Variants in USP9X observed in about 807,000 individuals in gnomAD.
The protein encoded by USP9X is ubiquitin specific peptidase 9 X-linked, also known as ubiquitin carboxyl-terminal hydrolase 9X.
Under a neutral mutation model 190.3 loss-of-function variants are expected in USP9X, and 7 were observed. The observed-to-expected ratio is 0.04, with a 90% CI of 0.02 to 0.07. USP9X has a LOEUF of 0.07. Among genes scored for constraint, USP9X ranks in the 10% least tolerant of loss-of-function variants. USP9X has a pLI of 1.00. For missense variants in USP9X, 1,010 were observed against 1,916.9 expected (o/e 0.53, Z 8.83); for synonymous variants, 645 against 659.5 (o/e 0.98, Z 0.34).
rs368468960 is a variant in USP9X at position 41,228,884 on chromosome X, G to A, written c.7062-369G>A. On this transcript the variant is annotated intron_variant, in intron 41 of 44. Coordinates refer to ENST00000378308, the MANE Select transcript of USP9X (RefSeq NM_001039591.3). ...TGTAATCCCAGCACTTTGGGAGGCC[G>A]AGGCAGGCGGATCACGAGGTCAGGA... 264 of 115,133 alleles carry A rather than the reference G, an allele frequency of 2.3e-3. 1 individual carries two copies. The highest frequency in any genetic ancestry group is 7.8e-3 in the African/African-American group (241 of 30,769). The allele number at this position is 115,133 out of a possible 1,213,427, so 9.5% of individuals were successfully genotyped here.
At chrX:41,178,289 C>T (rs2062796309) in intron 21 of USP9X, among the ~76,000 whole-genome samples, 1 of 107,329 alleles carries the variant, frequency 9.3e-6, no homozygotes, top group East Asian at 2.9e-4. Context: ...TTAGTAGAGA[C>T]GAGGTTTCAC....
At position 41,216,162 on chromosome X, in the gene USP9X, T is replaced by G. The variant is rs1459037970; in HGVS notation, c.5595T>G (p.Leu1865=). Residue 1865 remains leucine (L), a synonymous_variant, in exon 35 of 45, where the codon CTT becomes CTG. Coordinates refer to ENST00000378308, the MANE Select transcript of USP9X (RefSeq NM_001039591.3). The part of the protein sequence containing the change: ...SETAGSTKYR[L]VGVLVHSGQA... ...CAGCAGGAAGCACAAAATACAGACTTGTGGGTGTGCTCGTACACAGTGGTC... is the reference window on the plus strand; with the variant it reads ...CAGCAGGAAGCACAAAATACAGACTGGTGGGTGTGCTCGTACACAGTGGTC... 1.7e-6 allele frequency: 2 copies of G among 1,211,411 alleles called. No homozygotes were observed. The highest frequency in any genetic ancestry group is 4.4e-5 in the Admixed American group (2 of 45,977).
chrX:41,186,756 A>G (rs1602013211), intron 24 of USP9X, 114 bp downstream of exon 24: 6 of 814,675 alleles, frequency 7.4e-6, no homozygotes, highest in Non-Finnish European at 1.0e-5. Context: ...TCTACTATTA[A>G]TATTAGTACT....
At chrX:41,093,833 G>A (rs1406326306) in intron 1 of USP9X, among the ~76,000 whole-genome samples, 1 of 111,686 alleles carries the variant, frequency 9.0e-6, no homozygotes, top group Non-Finnish European at 1.9e-5. Context: ...GAAAGGTGAG[G>A]GTATAATTAG....
intron 1 of USP9X, among the ~76,000 whole-genome samples, chrX:41,116,030 G>T (rs1432616845): frequency 8.9e-6 from 1 of 111,876 alleles, no homozygotes; most frequent in East Asian, 2.8e-4. Flanking sequence ...GCTGTTTATG[G>T]AGTACTAGAT....
In USP9X at chrX:41,233,595, G is replaced by A. The variant is rs2773; in HGVS notation, c.*1071G>A. On this transcript the variant is annotated 3_prime_UTR_variant, in exon 45 of 45. Transcript: ENST00000378308. ...GACGTGGAAGTCATCAGAACCCCAC[G>A]GTACTTGGAGTACCTCTCTGCACCA... The A allele has an allele frequency of 9.8e-3, 1,090 of 111,655 alleles. 9 individuals carry two copies. Among genetic ancestry groups the A allele is most frequent in the Non-Finnish European group, 0.017 (890 of 53,071 alleles). 9.2% of individuals were successfully genotyped at this position (111,655 alleles called of 1,213,427 possible).
At position 41,137,147 on chromosome X, in the gene USP9X, A is replaced by G. The variant is rs1403309038; in HGVS notation, c.654+125A>G. On this transcript the variant is annotated intron_variant, in intron 6 of 44. Transcript: ENST00000378308. ...ACTTTAAATGAAAATACACACAACC[A>G]GGAGCCTTTTTCGTAGCTTTGTCGT... 1.5e-5 allele frequency: 10 copies of G among 658,594 alleles called. No individual in the cohort carries two copies. In the Admixed American group the frequency reaches 3.9e-4, roughly 26 times the overall value. 54.3% of individuals were successfully genotyped at this position (658,594 alleles called of 1,213,427 possible). A position where few individuals can be genotyped will look rare whatever the true frequency, so the allele number is the denominator to read the frequency against.
rs768376063 is a variant in USP9X at position 41,230,201 on chromosome X, C to CA, written c.7432-293dup. On this transcript the variant is annotated intron_variant, in intron 43 of 44. Coordinates refer to ENST00000378308, the MANE Select transcript of USP9X (RefSeq NM_001039591.3). Reference sequence around the variant, plus strand: ...GGGTGACAAGAGTGAAACTCCATCTCAAAAAAAGAAAAGAAAAGAATGTTT... The same window carrying CA: ...GGGTGACAAGAGTGAAACTCCATCTCAAAAAAAAGAAAAGAAAAGAATGTTT... Among the ~76,000 whole-genome samples the CA allele has an allele frequency of 9.1e-5, 10 of 110,493 alleles. No individual in the cohort carries two copies. In the East Asian group the frequency reaches 1.4e-3, roughly 16 times the overall value.
At chrX:41,214,277 A>G (rs984075132) in intron 33 of USP9X, among the ~76,000 whole-genome samples, 1 of 112,155 alleles carries the variant, frequency 8.9e-6, no homozygotes, top group Non-Finnish European at 1.9e-5. Flanking sequence ...GTGAGCCCAG[A>G]CAGATTCAAC....
intron 1 of USP9X, among the ~76,000 whole-genome samples, chrX:41,092,069 C>A (rs1304364478): frequency 9.0e-6 from 1 of 111,537 alleles, no homozygotes; most frequent in Non-Finnish European, 1.9e-5. Context: ...TTTATGGCAC[C>A]CTACAGTTTA....
chrX:41,163,042 G>A (rs1409550300), intron 15 of USP9X, among the ~76,000 whole-genome samples, 165 bp downstream of exon 15: 1 of 112,229 alleles, frequency 8.9e-6, no homozygotes, highest in Non-Finnish European at 1.9e-5. Context: ...ATGATTCGCT[G>A]AGTTTTAACT....
In USP9X at chrX:41,229,179, C is replaced by T. The variant is rs927863889; in HGVS notation, c.7062-74C>T. The T allele has an allele frequency of 2.0e-5, 16 of 797,232 alleles. 1 individual carries two copies. The highest frequency in any genetic ancestry group is 2.8e-5 in the Non-Finnish European group (16 of 578,249). 65.7% of individuals were successfully genotyped at this position (797,232 alleles called of 1,213,427 possible). ...ATGACTAAAAGACATTATTGAGTGG[C>T]ACATAGTAGGCACTCAGTATATATT... On this transcript the variant is annotated intron_variant, in intron 41 of 44. Transcript: ENST00000378308.
intron 1 of USP9X, among the ~76,000 whole-genome samples, chrX:41,101,645 G>A (rs980294088): frequency 9.1e-6 from 1 of 109,993 alleles, no homozygotes; most frequent in African/African-American, 3.3e-5. Context: ...CTCCAGCCTG[G>A]GCGACTGAGC....
At chrX:41,208,393 T>C (rs775828394) in intron 32 of USP9X, among the ~76,000 whole-genome samples, 2 of 112,106 alleles carry the variant, frequency 1.8e-5, no homozygotes, top group Non-Finnish European at 3.8e-5. Flanking sequence ...ATGCCTTTGC[T>C]TTTTTGACTT....
chrX:41,092,873 G>A (rs2061964369), intron 1 of USP9X, among the ~76,000 whole-genome samples: 1 of 110,729 alleles, frequency 9.0e-6, no homozygotes, highest in Admixed American at 9.6e-5. Flanking sequence ...CTAGTTAAGA[G>A]CAGTGATTTT....
chrX:41,140,783 T>A lies in USP9X; in HGVS notation c.770+12T>A, dbSNP rs775759344. On this transcript the variant is annotated intron_variant, in intron 7 of 44. Transcript: ENST00000378308. Reference sequence around the variant, plus strand: ...GCAGCCCTTATTAAGTAAGTTACATTTAAAAATCAATGGTTAGTGCACCGT... The same window carrying A: ...GCAGCCCTTATTAAGTAAGTTACATATAAAAATCAATGGTTAGTGCACCGT... The A allele has an allele frequency of 2.2e-5, 26 of 1,173,350 alleles. No homozygotes were observed. The Middle Eastern group carries it at 1.6e-3, about 74-fold the overall frequency.
intron 41 of USP9X, among the ~76,000 whole-genome samples, chrX:41,225,547 G>T (rs113256048): frequency 9.8e-5 from 11 of 112,121 alleles, no homozygotes; most frequent in African/African-American, 3.6e-4. Flanking sequence ...AAGTCTTCAG[G>T]TAAGTACGGT....
At chrX:41,108,555 T>G (rs1358782584) in intron 1 of USP9X, among the ~76,000 whole-genome samples, 1 of 111,624 alleles carries the variant, frequency 9.0e-6, no homozygotes, top group Non-Finnish European at 1.9e-5. Flanking sequence ...TTTTGATAGC[T>G]GCTTATTACC....
intron 1 of USP9X, among the ~76,000 whole-genome samples, chrX:41,117,569 TTTTC>T (rs1487038822): frequency 2.0e-5 from 2 of 101,397 alleles, no homozygotes; most frequent in African/African-American, 7.6e-5. Flanking sequence ...AACCTTTTTT[TTTTC>T]TTCTTCTTTT....
Sources: gnomAD v4.1 joint callset for allele counts (sites outside exome capture counted in the v4.1 genomes callset) on GRCh38, gnomAD v4.1.1 for gene constraint, MANE v1.5 for transcripts, NCBI Gene and HGNC (gene_info 2026-07-23, HGNC 2026-07-21) for gene names.